Variants in SH3PXD2B observed in about 807,000 individuals in gnomAD.
SH3PXD2B encodes the protein SH3 and PX domains 2B.
Under a neutral mutation model 73.1 loss-of-function variants are expected in SH3PXD2B, and 37 were observed. That is an observed-to-expected ratio of 0.51 (90% CI 0.39 to 0.67). The LOEUF (loss-of-function observed/expected upper bound fraction) is 0.67, where lower values mean the gene tolerates loss of function less well. Ranked by LOEUF, SH3PXD2B falls within the 30% of genes least tolerant of loss-of-function variation. The probability of loss-of-function intolerance (pLI) is 0.00; values close to 1 mark genes in which losing one functional copy is unlikely to be tolerated. For synonymous variants in SH3PXD2B, 457 were observed against 480.5 expected, an observed-to-expected ratio of 0.95 and a Z score of 0.64; for missense variants, 1,053 against 1,197.8, an observed-to-expected ratio of 0.88 and a Z score of 1.78.
chr5:172,384,965 T>C (rs977728051), intron 4 of SH3PXD2B, among the ~76,000 whole-genome samples: 1 of 152,174 alleles, frequency 6.6e-6, no homozygotes, highest in African/African-American at 2.4e-5. Context: ...AAATTAGCCT[T>C]TAAGTAGCTC....
Position 172,353,836 on chromosome 5 carries a change from C to A in SH3PXD2B, c.785+52G>T. On this transcript the variant is annotated intron_variant, in intron 9 of 12. Coordinates refer to ENST00000311601, the MANE Select transcript of SH3PXD2B (RefSeq NM_001017995.3). This position sits in a 1 kb window ranked among gnomAD's most constrained non-coding sequence, Gnocchi z 4.3. ...CAGAGTCCCTGTGACCCCAAACCCA[C>A]CCAGCGTGACCCCAAACCCACCCAG... 6.8e-7 allele frequency: 1 copy of A among 1,473,234 alleles called. No homozygotes were observed. Among genetic ancestry groups the A allele is most frequent in the Non-Finnish European group, 9.5e-7 (1 of 1,053,220 alleles). The allele number at this position is 1,473,234 out of a possible 1,614,324, so 91.3% of individuals were successfully genotyped here.
chr5:172,400,159 A>G lies in SH3PXD2B; in HGVS notation c.233-5520T>C, dbSNP rs944401548. Among the ~76,000 whole-genome samples, 3 of 152,188 alleles carry G rather than the reference A, an allele frequency of 2.0e-5. No homozygotes were observed. In the South Asian group the frequency reaches 6.2e-4, roughly 32 times the overall value. ...CCTCTCCCTTTCTCCTTTGAAACAA[A>G]TGAAAGGGGGAGTACTGGGAGATAC... On this transcript the variant is annotated intron_variant, in intron 3 of 12. Coordinates refer to ENST00000311601, the MANE Select transcript of SH3PXD2B (RefSeq NM_001017995.3).
intron 8 of SH3PXD2B, among the ~76,000 whole-genome samples, chr5:172,357,021 A>G (rs550630881): frequency 1.4e-5 from 2 of 143,468 alleles, no homozygotes; most frequent in South Asian, 4.7e-4. Context: ...TGTTAGGCTG[A>G]GGTGGGAGGA....
Position 172,350,506 on chromosome 5 carries a change from C to A in SH3PXD2B, c.869G>T (p.Gly290Val), listed in dbSNP as rs1383055589. The A allele has an allele frequency of 6.2e-7, 1 of 1,614,138 alleles. No homozygotes were observed. Among genetic ancestry groups the A allele is most frequent in the Non-Finnish European group, 8.5e-7 (1 of 1,180,018 alleles). The change falls in exon 10 of 13, where the codon GGC becomes GTC. Residue 290 changes from glycine to valine, a missense_variant. Gly to Val is a moderately radical substitution (Grantham distance 109). This residue lies in a region of SH3PXD2B where 466 missense variants were observed against 607.1 expected (regional missense o/e 0.77). Coordinates refer to ENST00000311601, the MANE Select transcript of SH3PXD2B (RefSeq NM_001017995.3). ...GEPLPPKPGP[G>V]SPSHPGALDL... Reference sequence around the variant, plus strand: ...AAGGGCACCCGGGTGGGAGGGTGAGCCAGGGCCTGGCTTCGGGGGCAAGGG... The same window carrying A: ...AAGGGCACCCGGGTGGGAGGGTGAGACAGGGCCTGGCTTCGGGGGCAAGGG...
In SH3PXD2B at chr5:172,338,651, C is replaced by G; in HGVS notation, c.2454G>C (p.Thr818=). The change falls in exon 13 of 13, where the codon ACG becomes ACC. Residue 818 remains threonine, a synonymous_variant. Transcript: ENST00000311601. The surrounding 1 kb of genome is among the most constrained non-coding windows in gnomAD (Gnocchi z 5.1). ...ATGGCCCCAGGCTGCCTTTGCCTCG[C>G]GTGTCATCCTGGCCCCCCAAAGAGT... The part of the protein sequence containing the change: ...LSNSLGGQDD[T]RGKGSLGPWG... The G allele has an allele frequency of 6.2e-7, 1 of 1,614,186 alleles. No homozygotes were observed. The highest frequency in any genetic ancestry group is 8.5e-7 in the Non-Finnish European group (1 of 1,180,030).
chr5:172,416,002 A>T (rs2113451252), intron 2 of SH3PXD2B, among the ~76,000 whole-genome samples: 1 of 152,332 alleles, frequency 6.6e-6, no homozygotes, highest in East Asian at 1.9e-4. Context: ...TAAGCAAGTC[A>T]GGAAACCAAG....
intron 10 of SH3PXD2B, among the ~76,000 whole-genome samples, chr5:172,350,002 C>G (rs111544345): frequency 8.3e-4 from 126 of 152,222 alleles, no homozygotes; most frequent in Non-Finnish European, 1.4e-3. Context: ...TTTCAGGCAG[C>G]TGCCACCACG....
At chr5:172,369,224 TTTTGTTTTG>T (rs1029014837) in intron 6 of SH3PXD2B, among the ~76,000 whole-genome samples, 4 of 150,630 alleles carry the variant, frequency 2.7e-5, no homozygotes, top group Non-Finnish European at 5.9e-5. Context: ...TTTTGTTTTG[TTTTGTTTTG>T]TTTGTTTTGT....
At chr5:172,444,778 G>C (rs1407715123) in intron 1 of SH3PXD2B, among the ~76,000 whole-genome samples, 1 of 152,070 alleles carries the variant, frequency 6.6e-6, no homozygotes, top group Non-Finnish European at 1.5e-5. Context: ...CCCTCAAGTT[G>C]GGGAAGTGCT....
intron 3 of SH3PXD2B, among the ~76,000 whole-genome samples, chr5:172,398,405 C>G (rs1326264221): frequency 1.3e-5 from 2 of 152,240 alleles, no homozygotes; most frequent in Non-Finnish European, 2.9e-5. Context: ...AATAGCCCTA[C>G]AATCTTCCAG....
chr5:172,368,568 A>AAT (rs1213767126), intron 6 of SH3PXD2B, among the ~76,000 whole-genome samples: 1 of 19,162 alleles, frequency 5.2e-5, no homozygotes, highest in Non-Finnish European at 7.0e-5. Context: ...ATATATATAA[A>AAT]ATATGTTATA....
intron 1 of SH3PXD2B, among the ~76,000 whole-genome samples, chr5:172,434,783 T>TTTTTGTTTTTTTG (rs538700466): frequency 9.0e-5 from 4 of 44,394 alleles, no homozygotes; most frequent in African/African-American, 5.4e-4. Context: ...TGGCCAATGG[T>TTTTTGTTTTTTTG]TTTTTTTTTT....
At chr5:172,346,707 ATTAG>A (rs1249813130) in intron 11 of SH3PXD2B, among the ~76,000 whole-genome samples, 3 of 152,136 alleles carry the variant, frequency 2.0e-5, no homozygotes. Context: ...CAAGTATTAA[ATTAG>A]TTAATGTTGT....
chr5:172,378,257 TG>T (rs1367604698), intron 5 of SH3PXD2B, among the ~76,000 whole-genome samples: 3 of 151,894 alleles, frequency 2.0e-5, no homozygotes, highest in Non-Finnish European at 4.4e-5. Flanking sequence ...GCTCAGAGGC[TG>T]GGGCCACTGC....
At chr5:172,366,424 G>A (rs558026765) in intron 6 of SH3PXD2B, among the ~76,000 whole-genome samples, 2 of 152,240 alleles carry the variant, frequency 1.3e-5, no homozygotes, top group African/African-American at 2.4e-5. Context: ...CCATGGGCTC[G>A]GCTTGCCTTC....
At chr5:172,385,185 C>T (rs1362184069) in intron 4 of SH3PXD2B, among the ~76,000 whole-genome samples, 1 of 152,176 alleles carries the variant, frequency 6.6e-6, no homozygotes, top group Non-Finnish European at 1.5e-5. Flanking sequence ...AATCCTGCAG[C>T]CCTTGCAGTT....
chr5:172,361,003 G>C (rs1757392056), intron 7 of SH3PXD2B, among the ~76,000 whole-genome samples: 1 of 152,060 alleles, frequency 6.6e-6, no homozygotes, highest in Non-Finnish European at 1.5e-5. Flanking sequence ...ACGCAGATGT[G>C]AAAAAGTATC....
chr5:172,362,655 G>A (rs1757425749), intron 7 of SH3PXD2B, 80 bp downstream of exon 7: 1 of 1,608,040 alleles, frequency 6.2e-7, no homozygotes, highest in Non-Finnish European at 8.5e-7. Context: ...GGCCATTTCA[G>A]TTTCTGAGTT....
At chr5:172,381,587 G>GTC (rs1308722702) in intron 5 of SH3PXD2B, among the ~76,000 whole-genome samples, 1 of 152,152 alleles carries the variant, frequency 6.6e-6, no homozygotes, top group African/African-American at 2.4e-5. Flanking sequence ...GAGAGCTTCG[G>GTC]AGCCTGGCTG....
Sources: gnomAD v4.1 joint callset for allele counts (sites outside exome capture counted in the v4.1 genomes callset) on GRCh38, gnomAD v4.1.1 for gene constraint, gnomAD v4.1.1 regional missense constraint, Gnocchi (gnomAD v3.1) non-coding constraint, MANE v1.5 for transcripts, NCBI Gene and HGNC (gene_info 2026-07-23, HGNC 2026-07-21) for gene names.